DICER1: variants seen among roughly 807,000 people sequenced by gnomAD.
The protein encoded by DICER1 is endoribonuclease Dicer.
In DICER1, 43 loss-of-function variants were observed where a neutral mutation model predicts 194.1. The ratio of observed to expected loss-of-function variants is 0.22; its 90% confidence interval spans 0.17 to 0.29. The LOEUF is 0.29. DICER1 is among the 10% of genes least tolerant of loss of function. The pLI is 1.00. For synonymous variants in DICER1, 832 were observed against 820.5 expected, an observed-to-expected ratio of 1.01 and a Z score of -0.24; for missense variants, 1,608 against 2,317.0, an observed-to-expected ratio of 0.69 and a Z score of 6.28.
chr14:95,126,242 CT>C (rs1407499586), intron 7 of DICER1, among the ~76,000 whole-genome samples: 1 of 152,150 alleles, frequency 6.6e-6, no homozygotes, highest in Non-Finnish European at 1.5e-5. Context: ...CACTAGGAAA[CT>C]GCGGAAGAAT....
At position 95,103,922 on chromosome 14, in the gene DICER1, G is replaced by A. The variant is rs368984998; in HGVS notation, c.3474C>T (p.Ser1158=). ...QMSVNCRTLL[S]ESPGKLHVEV... ...CAACGTGGAGCTTACCAGGGGACTCGCTGAGCAACGTTCTGCAGTTCACAG... is the reference window on the plus strand; with the variant it reads ...CAACGTGGAGCTTACCAGGGGACTCACTGAGCAACGTTCTGCAGTTCACAG... The change falls in exon 21 of 27, where the codon AGC becomes AGT. Residue 1158 remains serine, a synonymous_variant. Coordinates refer to ENST00000343455, the MANE Select transcript of DICER1 (RefSeq NM_177438.3). 1.2e-5 allele frequency: 20 copies of A among 1,614,120 alleles called. No individual in the cohort carries two copies. The highest frequency in any genetic ancestry group is 1.6e-4 in the Middle Eastern group (1 of 6,062).
intron 14 of DICER1, among the ~76,000 whole-genome samples, chr14:95,109,778 G>T (rs1891788524): frequency 6.6e-6 from 1 of 152,194 alleles, no homozygotes; most frequent in African/African-American, 2.4e-5. Flanking sequence ...TACAGGCACA[G>T]CAGTCCCCGC....
At chr14:95,100,877 G>A (rs1314115751) in intron 21 of DICER1, among the ~76,000 whole-genome samples, 1 of 152,184 alleles carries the variant, frequency 6.6e-6, no homozygotes, top group Non-Finnish European at 1.5e-5. Flanking sequence ...CAGGCTAGCA[G>A]GGAAAAGGAG....
chr14:95,112,840 T>G (rs924278969), intron 12 of DICER1, among the ~76,000 whole-genome samples: 2 of 152,248 alleles, frequency 1.3e-5, no homozygotes, highest in African/African-American at 4.8e-5. Context: ...AGTCCAGTTC[T>G]AAGTATCTGT....
chr14:95,124,555 C>G lies in DICER1; in HGVS notation c.1017G>C (p.Glu339Asp), dbSNP rs755007541. 6.2e-7 allele frequency: 1 copy of G among 1,613,856 alleles called. No homozygotes were observed. The highest frequency in any genetic ancestry group is 1.3e-5 in the African/African-American group (1 of 75,038). The change falls in exon 8 of 27, where the codon GAG (glutamate) becomes GAC (aspartate). Residue 339 changes from glutamate (E) to aspartate (D), a missense_variant. By Grantham distance (45) the Glu-to-Asp change is conservative. Transcript: ENST00000343455. The surrounding 1 kb of genome is among the most constrained non-coding windows in gnomAD (Gnocchi z 4.5). ...LQKYIKHEQE[E>D]LHRKFLLFTD... ...TAAACAATAAAAATTTCCTGTGCAG[C>G]TCCTCTTGCTCATGTTTGATGTATT...
rs1328310945 is a variant in DICER1 at position 95,126,861 on chromosome 14, A to T, written c.735-113T>A. The T allele has an allele frequency of 2.0e-5, 14 of 707,496 alleles. No homozygotes were observed. In the South Asian group the frequency reaches 2.4e-4, roughly 12 times the overall value. The allele number at this position is 707,496 out of a possible 1,614,324, so 43.8% of individuals were successfully genotyped here. ...AGGGAATAGATACTAAAAAAAAAAA[A>T]AAATGCCAGAATGTTAGCAGTGGGG... On this transcript the variant is annotated intron_variant, in intron 6 of 26. Coordinates refer to ENST00000343455, the MANE Select transcript of DICER1 (RefSeq NM_177438.3).
intron 21 of DICER1, among the ~76,000 whole-genome samples, chr14:95,103,059 C>T (rs1216344535): frequency 6.6e-6 from 1 of 152,204 alleles, no homozygotes; most frequent in Non-Finnish European, 1.5e-5. Context: ...TACACACTTG[C>T]ATAGCTTCCT....
intron 8 of DICER1, 43 bp from the exon 9 acceptor site, chr14:95,117,797 G>C (rs1315831363): frequency 6.3e-7 from 1 of 1,599,728 alleles, no homozygotes; most frequent in Non-Finnish European, 8.5e-7. Context: ...GTTGCTGAAA[G>C]AAAATAAACT....
At chr14:95,104,408 G>T (rs1311348955) in intron 20 of DICER1, among the ~76,000 whole-genome samples, 1 of 152,188 alleles carries the variant, frequency 6.6e-6, no homozygotes, top group Non-Finnish European at 1.5e-5. Flanking sequence ...AGCTTCACGG[G>T]TTGGAATCCC....
intron 17 of DICER1, 62 bp downstream of exon 17, chr14:95,107,546 G>A (rs117996122): frequency 0.011 from 16,623 of 1,572,574 alleles, 123 homozygotes; most frequent in Non-Finnish European, 0.013. Context: ...CACCGTGCCC[G>A]ACCTAGTGCA....
rs1555376567 is a variant in DICER1, at chr14:95,133,392, G to A, written c.67C>T (p.Pro23Ser). The A allele has an allele frequency of 1.9e-6, 3 of 1,614,056 alleles. No homozygotes were observed. Among genetic ancestry groups the A allele is most frequent in the Non-Finnish European group, 2.5e-6 (3 of 1,179,974 alleles). ...GLQLMTPASS[P>S]MGPFFGLPWQ... ...GGCAGTCCAAAGAAAGGACCCATTG[G>A]TGAGGAAGCAGGGGTCATGAGCTGC... The change falls in exon 2 of 27, where the codon CCA becomes TCA. Residue 23 changes from proline to serine, a missense_variant. Coordinates refer to ENST00000343455, the MANE Select transcript of DICER1 (RefSeq NM_177438.3).
chr14:95,150,533 C>T (rs1264440557), intron 1 of DICER1, among the ~76,000 whole-genome samples: 3 of 152,018 alleles, frequency 2.0e-5, no homozygotes, highest in East Asian at 1.9e-4. Flanking sequence ...AAAATTCAGG[C>T]GAAACTCTAC....
intron 7 of DICER1, among the ~76,000 whole-genome samples, chr14:95,125,983 C>T (rs962538739): frequency 1.3e-5 from 2 of 152,084 alleles, no homozygotes; most frequent in Admixed American, 6.5e-5. Flanking sequence ...ACATTTAATA[C>T]AGTGTTAACA....
intron 3 of DICER1, 148 bp downstream of exon 3, chr14:95,132,367 A>C (rs1414332460): frequency 3.4e-6 from 3 of 874,500 alleles, no homozygotes; most frequent in Non-Finnish European, 5.4e-6. Flanking sequence ...AAATAGGACA[A>C]AACAATTTCT....
chr14:95,111,263 C>T (rs187360741), intron 14 of DICER1, 54 bp downstream of exon 14: 72 of 1,609,754 alleles, frequency 4.5e-5, no homozygotes, highest in Non-Finnish European at 5.7e-5. Context: ...TTTGATGTAG[C>T]GGAAAACAAA....
At position 95,124,353 on chromosome 14, in the gene DICER1, C is replaced by T. The variant is rs1893204441; in HGVS notation, c.1219G>A (p.Asp407Asn). ...SVEWYNNRNQ[D>N]NYVSWSDSED... ...GAATCACTCCATGACACATAATTAT[C>T]CTGATTTCTATTATTATACCACTCA... Residue 407 changes from aspartate (D) to asparagine (N), a missense_variant, in exon 8 of 27, where the codon GAT becomes AAT. Physicochemically the swap from Asp to Asn is conservative, Grantham distance 23. This residue lies in a region of DICER1 where 657 missense variants were observed against 910.1 expected (regional missense o/e 0.72). Coordinates refer to ENST00000343455, the MANE Select transcript of DICER1 (RefSeq NM_177438.3). This position sits in a 1 kb window ranked among gnomAD's most constrained non-coding sequence, Gnocchi z 4.5. The T allele has an allele frequency of 1.2e-6, 2 of 1,613,920 alleles. No individual in the cohort carries two copies. Among genetic ancestry groups the T allele is most frequent in the Non-Finnish European group, 1.7e-6 (2 of 1,179,874 alleles).
Position 95,104,090 on chromosome 14 carries a change from A to G in DICER1, c.3306T>C (p.Ile1102=). The change falls in exon 21 of 27, where the codon ATT becomes ATC. Residue 1102 remains isoleucine, a synonymous_variant. Transcript: ENST00000343455. ...AAATTGAGATGAAAGATTTGCTGTC[A>G]ATAGATTTTTTCCACCCGAAGTCTA... The part of the protein sequence containing the change: ...PNLDFGWKKS[I]DSKSFISISN... 6.2e-7 allele frequency: 1 copy of G among 1,613,940 alleles called. No individual in the cohort carries two copies. The highest frequency in any genetic ancestry group is 1.3e-5 in the African/African-American group (1 of 75,036).
chr14:95,112,277 T>C (rs949714815), intron 12 of DICER1, 30 bp from the exon 13 acceptor site: 7 of 1,577,048 alleles, frequency 4.4e-6, no homozygotes, highest in Non-Finnish European at 6.1e-6. Context: ...TTCCATTATA[T>C]ATGCACATCG....
rs745483867 is a variant in DICER1 at position 95,103,877 on chromosome 14, T to G, written c.3519A>C (p.Thr1173=). ...GATTGTAAGAAAGACCATTAATTGC[T>G]GTAAGATCTGCTGAAACTTCAACGT... ...KLHVEVSADL[T]AINGLSYNQN... The change falls in exon 21 of 27, where the codon ACA becomes ACC. Residue 1173 remains threonine (T), a synonymous_variant. Coordinates refer to ENST00000343455, the MANE Select transcript of DICER1 (RefSeq NM_177438.3). 2 of 1,614,208 alleles carry G rather than the reference T, an allele frequency of 1.2e-6. No homozygotes were observed. Among genetic ancestry groups the G allele is most frequent in the Admixed American group, 1.7e-5 (1 of 60,028 alleles).
Sources: allele counts gnomAD v4.1 joint callset (sites outside exome capture counted in the v4.1 genomes callset), GRCh38; gene constraint gnomAD v4.1.1; regional missense constraint gnomAD v4.1.1; non-coding constraint Gnocchi (gnomAD v3.1); transcripts MANE v1.5; gene names NCBI Gene and HGNC (gene_info 2026-07-23, HGNC 2026-07-21).